The following TRAPPC10 variants were observed in gnomAD, a reference collection of about 807,000 sequenced individuals.
The protein encoded by TRAPPC10 is TRAPP 130 kDa subunit.
A neutral mutation model predicts 125.5 loss-of-function variants in TRAPPC10; 23 were observed. That is an observed-to-expected ratio of 0.18 (90% CI 0.13 to 0.26). The LOEUF is 0.26. Among genes scored for constraint, TRAPPC10 ranks in the 10% least tolerant of loss-of-function variants. TRAPPC10 has a pLI of 1.00. For missense variants in TRAPPC10, 1,123 were observed against 1,308.4 expected (o/e 0.86, Z 2.19); for synonymous variants, 509 against 518.0 (o/e 0.98, Z 0.24).
chr21:44,076,511 T>C, intron 9 of TRAPPC10, 41 bp from the exon 10 acceptor site: 1 of 1,492,336 alleles, frequency 6.7e-7, no homozygotes, highest in South Asian at 1.1e-5. Context: ...TGACTGGACA[T>C]GATGAAGATG....
chr21:44,032,626 C>T (rs1400344231), intron 2 of TRAPPC10, among the ~76,000 whole-genome samples: 1 of 152,182 alleles, frequency 6.6e-6, no homozygotes, highest in Non-Finnish European at 1.5e-5. Flanking sequence ...AACTGACCCG[C>T]CCTCCTCGGC....
chr21:44,093,393 G>T (rs551113318), intron 19 of TRAPPC10, among the ~76,000 whole-genome samples: 1 of 152,128 alleles, frequency 6.6e-6, no homozygotes, highest in East Asian at 1.9e-4. Flanking sequence ...AGGTTGGGCT[G>T]CAATGAGCTG....
chr21:44,090,751 T>G (rs376435964), intron 18 of TRAPPC10, among the ~76,000 whole-genome samples: 103 of 152,328 alleles, frequency 6.8e-4, no homozygotes, highest in Non-Finnish European at 1.1e-3. Context: ...ATTGATGATG[T>G]GTGGATAATT....
intron 1 of TRAPPC10, among the ~76,000 whole-genome samples, chr21:44,030,338 C>T (rs2033466093): frequency 6.6e-6 from 1 of 152,080 alleles, no homozygotes; most frequent in Non-Finnish European, 1.5e-5. Context: ...TTCCACTTAG[C>T]AAAGAGTAAT....
chr21:44,078,845 C>T (rs528020373), intron 11 of TRAPPC10, among the ~76,000 whole-genome samples: 5 of 152,284 alleles, frequency 3.3e-5, no homozygotes, highest in African/African-American at 9.6e-5. Context: ...GTGGAGGAGG[C>T]TGAGGCGGGA....
chr21:44,082,066 G>A lies in TRAPPC10; in HGVS notation c.1724-722G>A, dbSNP rs1483126910. On this transcript the variant is annotated intron_variant, in intron 13 of 22. Transcript: ENST00000291574. The surrounding 1 kb of genome is among the most constrained non-coding windows in gnomAD (Gnocchi z 4.4). The stretch of plus-strand genomic sequence containing the variant: ...CCAACGTTCCTTGGTATCTCTATAC[G>A]AATAAAATATTCCACAATCGTTTAC... Among the ~76,000 whole-genome samples the A allele has an allele frequency of 1.3e-5, 2 of 152,176 alleles. No individual in the cohort carries two copies. Among genetic ancestry groups the A allele is most frequent in the Non-Finnish European group, 1.5e-5 (1 of 68,030 alleles).
At chr21:44,067,407 C>T (rs2036530657) in intron 7 of TRAPPC10, among the ~76,000 whole-genome samples, 1 of 152,042 alleles carries the variant, frequency 6.6e-6, no homozygotes, top group Non-Finnish European at 1.5e-5. Flanking sequence ...TGGGTGCTCT[C>T]ATGTGTAGGT....
intron 19 of TRAPPC10, 73 bp from the exon 20 acceptor site, chr21:44,093,990 T>C: frequency 6.7e-7 from 1 of 1,491,808 alleles, no homozygotes; most frequent in Middle Eastern, 2.5e-4. Context: ...ATGGCGTGTG[T>C]TTCGCTGCAG....
intron 1 of TRAPPC10, among the ~76,000 whole-genome samples, chr21:44,014,245 G>T (rs2031538894): frequency 6.6e-6 from 1 of 152,198 alleles, no homozygotes; most frequent in Admixed American, 6.5e-5. Context: ...CTGGTTGCCA[G>T]TGTTGGAGAT....
At chr21:44,064,779 A>G (rs2036317811) in intron 7 of TRAPPC10, among the ~76,000 whole-genome samples, 1 of 152,242 alleles carries the variant, frequency 6.6e-6, no homozygotes, top group Non-Finnish European at 1.5e-5. Context: ...AGTTAATTTC[A>G]AAAGGAGAAG....
At chr21:44,033,844 C>T (rs750523936) in intron 2 of TRAPPC10, among the ~76,000 whole-genome samples, 11 of 152,166 alleles carry the variant, frequency 7.2e-5, no homozygotes, top group Non-Finnish European at 1.5e-4. Flanking sequence ...GCCTGGGTGA[C>T]AGAGCAAGAC....
chr21:44,071,592 T>G (rs1180459218), intron 7 of TRAPPC10, among the ~76,000 whole-genome samples: 1 of 152,136 alleles, frequency 6.6e-6, no homozygotes, highest in East Asian at 1.9e-4. Flanking sequence ...ACACACACAG[T>G]AAGTAGTAAC....
intron 1 of TRAPPC10, among the ~76,000 whole-genome samples, chr21:44,023,616 C>T (rs1463066779): frequency 6.6e-6 from 1 of 152,122 alleles, no homozygotes; most frequent in East Asian, 1.9e-4. Flanking sequence ...ACATTTAATG[C>T]CCTGATCTGC....
At chr21:44,089,459 C>T (rs1310910989) in intron 17 of TRAPPC10, 1 of 436,010 alleles carries the variant, frequency 2.3e-6, no homozygotes, top group East Asian at 7.1e-5. Context: ...AAATACATGA[C>T]TGAAAGCACT....
rs745708447 is a variant in TRAPPC10 at position 44,012,490 on chromosome 21, G to C, written c.-4G>C. The C allele has an allele frequency of 1.3e-5, 19 of 1,482,838 alleles. No homozygotes were observed. The highest frequency in any genetic ancestry group is 1.6e-5 in the Non-Finnish European group (18 of 1,110,146). The allele number at this position is 1,482,838 out of a possible 1,614,324, so 91.9% of individuals were successfully genotyped here. A position where few individuals can be genotyped will look rare whatever the true frequency, so the allele number is the denominator to read the frequency against. On this transcript the variant is annotated 5_prime_UTR_variant, in exon 1 of 23. Transcript: ENST00000291574. ...GGGGGCCGGGCCGGTGACGCCGGAC[G>C]CCCATGGACGCCTCTGAGGAGCCGC...
chr21:44,012,921 C>T (rs2031322126), intron 1 of TRAPPC10, among the ~76,000 whole-genome samples: 1 of 152,206 alleles, frequency 6.6e-6, no homozygotes, highest in South Asian at 2.1e-4. Flanking sequence ...GACCTGGGGG[C>T]CCCGGCCTCT....
chr21:44,046,341 C>T, intron 3 of TRAPPC10: 1 of 261,022 alleles, frequency 3.8e-6, no homozygotes, highest in Admixed American at 4.0e-5. Flanking sequence ...GGAATCCAGG[C>T]ATCCTTTAGA....
chr21:44,028,027 C>G (rs763437294), intron 1 of TRAPPC10, among the ~76,000 whole-genome samples: 17 of 152,142 alleles, frequency 1.1e-4, no homozygotes, highest in Non-Finnish European at 1.9e-4. Flanking sequence ...CAGAGTAAGA[C>G]ATTGAATTTA....
At chr21:44,080,594 A>C (rs1000546310) in intron 13 of TRAPPC10, among the ~76,000 whole-genome samples, 1 of 151,426 alleles carries the variant, frequency 6.6e-6, no homozygotes, top group Non-Finnish European at 1.5e-5. Flanking sequence ...CTGTAGTGCA[A>C]TGGTGCCATC....
Sources: allele counts gnomAD v4.1 joint callset (sites outside exome capture counted in the v4.1 genomes callset), GRCh38; gene constraint gnomAD v4.1.1; non-coding constraint Gnocchi (gnomAD v3.1); transcripts MANE v1.5; gene names NCBI Gene and HGNC (gene_info 2026-07-23, HGNC 2026-07-21).